Variants in ABCC2 observed in about 807,000 individuals in gnomAD.
ABCC2 encodes the protein ATP binding cassette subfamily C member 2.
In ABCC2, 157 loss-of-function variants were observed where a neutral mutation model predicts 173.4. The ratio of observed to expected loss-of-function variants is 0.91; its 90% CI spans 0.80 to 1.03. The LOEUF (loss-of-function observed/expected upper bound fraction) is 1.03. Among genes scored for constraint, ABCC2 ranks in the 50% least tolerant of loss-of-function variants. ABCC2 has a pLI of 0.00. For missense variants in ABCC2, 1,822 were observed against 1,852.3 expected, an observed-to-expected ratio of 0.98 and a Z score of 0.30; for synonymous variants, 657 against 693.5, an observed-to-expected ratio of 0.95 and a Z score of 0.83.
Position 99,845,639 on chromosome 10 carries a change from A to G in ABCC2, c.4003A>G (p.Arg1335Gly), listed in dbSNP as rs2133149239. Residue 1335 changes from arginine to glycine, a missense_variant, in exon 29 of 32, where the codon AGG becomes GGG. Transcript: ENST00000647814. Reference protein sequence around the residue: ...GSMEKIGVVGRTGAGKSSLTN... With the variant: ...GSMEKIGVVGGTGAGKSSLTN... ...ATATTCGCAGATTGGTGTGGTGGGC[A>G]GGACAGGAGCTGGAAAGTCATCCCT... 3.1e-6 allele frequency: 5 copies of G among 1,614,086 alleles called. No homozygotes were observed. In the Middle Eastern group the frequency reaches 4.9e-4, roughly 160 times the overall value.
In ABCC2 at chr10:99,797,287, G is replaced by C. The variant is rs765544671; in HGVS notation, c.823G>C (p.Gly275Arg). The C allele has an allele frequency of 6.2e-7, 1 of 1,613,838 alleles. No individual in the cohort carries two copies. The highest frequency in any genetic ancestry group is 8.5e-7 in the Non-Finnish European group (1 of 1,179,906). Residue 275 changes from glycine (G) to arginine (R), a missense_variant, in exon 7 of 32, where the codon GGC (glycine) becomes CGC (arginine). Gly to Arg is a moderately radical substitution (Grantham distance 125). Transcript: ENST00000647814. ...GCAGAACTCTGGAGCCAGGCTGCCTGGCTTGAACAAGAATCAGAGTCAAAG... is the reference window on the plus strand; with the variant it reads ...GCAGAACTCTGGAGCCAGGCTGCCTCGCTTGAACAAGAATCAGAGTCAAAG... ...SQQNSGARLP[G>R]LNKNQSQSQD...
chr10:99,850,721 C>G lies in ABCC2; in HGVS notation c.4433C>G (p.Thr1478Ser). 1 of 1,614,198 alleles carries G rather than the reference C, an allele frequency of 6.2e-7. No individual in the cohort carries two copies. Among genetic ancestry groups the G allele is most frequent in the Non-Finnish European group, 8.5e-7 (1 of 1,180,044 alleles). Residue 1478 changes from threonine (T) to serine (S), a missense_variant, in exon 31 of 32, where the codon ACC becomes AGC. Coordinates refer to ENST00000647814, the MANE Select transcript of ABCC2 (RefSeq NM_000392.5). ...GAGACAGACAACCTCATTCAGACGA[C>G]CATCCAAAACGAGTTCGCCCACTGC... is the stretch of plus-strand genomic sequence containing the variant. ...DLETDNLIQT[T>S]IQNEFAHCTV...
At chr10:99,831,920 G>C (rs765004797) in intron 22 of ABCC2, 57 bp from the exon 23 acceptor site, 134 of 1,613,536 alleles carry the variant, frequency 8.3e-5, no homozygotes, top group Admixed American at 6.8e-4. Flanking sequence ...TATGTCCTGG[G>C]CACAAGTCTT....
rs147595919 is a variant in ABCC2, at chr10:99,833,999, C to T, written c.3259-381C>T. Among the ~76,000 whole-genome samples the T allele has an allele frequency of 1.7e-3, 260 of 152,286 alleles. 1 individual carries two copies. Among genetic ancestry groups the T allele is most frequent in the African/African-American group, 5.9e-3 (244 of 41,558 alleles). On this transcript the variant is annotated intron_variant, in intron 23 of 31. Coordinates refer to ENST00000647814, the MANE Select transcript of ABCC2 (RefSeq NM_000392.5). ...ACTGTCCAGGCAGGCTCACATTCAA[C>T]CCCAGCTCCCTTCCCCTTGGTCCTC... is the stretch of plus-strand genomic sequence containing the variant.
chr10:99,830,209 T>C, intron 19 of ABCC2, 98 bp from the exon 20 acceptor site: 2 of 1,514,072 alleles, frequency 1.3e-6, no homozygotes, highest in Non-Finnish European at 1.8e-6. Context: ...GATCCCTTGC[T>C]GAAACCAGCA....
intron 1 of ABCC2, 54 bp from the exon 2 acceptor site, chr10:99,784,554 G>T: frequency 6.3e-7 from 1 of 1,597,330 alleles, no homozygotes; most frequent in East Asian, 2.2e-5. Flanking sequence ...CTGCAGGGTG[G>T]TTTTCTGTCT....
intron 1 of ABCC2, among the ~76,000 whole-genome samples, chr10:99,783,876 G>T (rs923782024): frequency 6.6e-6 from 1 of 151,720 alleles, no homozygotes; most frequent in East Asian, 1.9e-4. Context: ...TCAGGGCATC[G>T]CAAGCAATTC....
chr10:99,795,742 AG>A (rs1430690746), intron 6 of ABCC2, among the ~76,000 whole-genome samples: 1 of 32,554 alleles, frequency 3.1e-5, no homozygotes, highest in Admixed American at 2.9e-4. Context: ...AAAGAAGGAA[AG>A]AAAGAAAGAA....
chr10:99,796,078 A>G (rs924132044), intron 6 of ABCC2, among the ~76,000 whole-genome samples: 2 of 152,166 alleles, frequency 1.3e-5, no homozygotes, highest in Admixed American at 1.3e-4. Context: ...GAGATGGCAC[A>G]GTGGCTGGAC....
chr10:99,801,317 A>G (rs1347564178), intron 9 of ABCC2, among the ~76,000 whole-genome samples: 2 of 152,062 alleles, frequency 1.3e-5, no homozygotes, highest in East Asian at 3.9e-4. Flanking sequence ...GCTCACTGCA[A>G]CCTCCATCTC....
chr10:99,846,310 T>C (rs887934962), intron 29 of ABCC2, among the ~76,000 whole-genome samples: 1 of 152,224 alleles, frequency 6.6e-6, no homozygotes, highest in South Asian at 2.1e-4. Flanking sequence ...CAGGAGAACC[T>C]TTCCTCCTCC....
intron 6 of ABCC2, among the ~76,000 whole-genome samples, chr10:99,796,695 C>A (rs112622353): frequency 6.6e-6 from 1 of 151,696 alleles, no homozygotes; most frequent in African/African-American, 2.4e-5. Context: ...AAAAAAAACA[C>A]AAAAAACAAA....
At chr10:99,814,364 CAT>C (rs1491216431) in intron 16 of ABCC2, among the ~76,000 whole-genome samples, 3 of 94,994 alleles carry the variant, frequency 3.2e-5, no homozygotes, top group Non-Finnish European at 6.8e-5. Context: ...TGTATACACA[CAT>C]GTATATATAC....
rs551987097 is a variant in ABCC2, at chr10:99,785,243, G to A, written c.207+462G>A. Among the ~76,000 whole-genome samples the A allele has an allele frequency of 9.9e-5, 15 of 152,234 alleles. No individual in the cohort carries two copies. The East Asian group carries it at 1.2e-3, about 12-fold the overall frequency. ...CCGAAATAAGGTTTCCATTTTCCCC[G>A]CATATTTGATGAGTCAGGATGATCA... is the stretch of plus-strand genomic sequence containing the variant. On this transcript the variant is annotated intron_variant, in intron 2 of 31. Coordinates refer to ENST00000647814, the MANE Select transcript of ABCC2 (RefSeq NM_000392.5).
intron 23 of ABCC2, among the ~76,000 whole-genome samples, chr10:99,833,926 A>G (rs535019233): frequency 1.3e-5 from 2 of 152,356 alleles, no homozygotes; most frequent in South Asian, 4.1e-4. Flanking sequence ...CACGAAGGCA[A>G]CATGGCAGTA....
intron 19 of ABCC2, among the ~76,000 whole-genome samples, chr10:99,822,078 A>G (rs1337058778): frequency 6.6e-6 from 1 of 152,206 alleles, no homozygotes; most frequent in Non-Finnish European, 1.5e-5. Flanking sequence ...CTGTGGGGCC[A>G]GGTACCCATA....
At chr10:99,815,975 T>G (rs2038401121) in intron 16 of ABCC2, among the ~76,000 whole-genome samples, 1 of 151,244 alleles carries the variant, frequency 6.6e-6, no homozygotes, top group Admixed American at 6.6e-5. Context: ...TCTTGTTTTT[T>G]TTTTTTTTTT....
Position 99,804,019 on chromosome 10 carries a change from G to A in ABCC2, c.1210G>A (p.Ala404Thr), listed in dbSNP as rs749829232. The A allele has an allele frequency of 2.5e-6, 4 of 1,613,964 alleles. No individual in the cohort carries two copies. Among genetic ancestry groups the A allele is most frequent in the East Asian group, 4.5e-5 (2 of 44,868 alleles). The stretch of plus-strand genomic sequence containing the variant: ...TCCTAATTTCAATCCTTATCTTTAG[G>A]CATTGACCCTATCCAACTTGGCCAG... Reference protein sequence around the residue: ...TAIMASVYKKALTLSNLARKE... With the variant: ...TAIMASVYKKTLTLSNLARKE... Residue 404 changes from alanine to threonine, a missense_variant and splice_region_variant, in exon 10 of 32, where the codon GCA becomes ACA. Coordinates refer to ENST00000647814, the MANE Select transcript of ABCC2 (RefSeq NM_000392.5).
chr10:99,807,418 G>C lies in ABCC2; in HGVS notation c.1565G>C (p.Arg522Thr), dbSNP rs1195316790. Reference protein sequence around the residue: ...LKYFAWEPSFRDQVQNLRKKE... With the variant: ...LKYFAWEPSFTDQVQNLRKKE... ...TATTTTGCCTGGGAACCTTCATTCA[G>C]AGACCAAGTACAAAACCTCCGGAAG... Residue 522 changes from arginine (R) to threonine (T), a missense_variant, in exon 12 of 32, where the codon AGA becomes ACA. Transcript: ENST00000647814. 6.2e-7 allele frequency: 1 copy of C among 1,614,050 alleles called. No individual in the cohort carries two copies. The highest frequency in any genetic ancestry group is 8.5e-7 in the Non-Finnish European group (1 of 1,179,982).
Sources: gnomAD v4.1 joint callset for allele counts (sites outside exome capture counted in the v4.1 genomes callset) on GRCh38, gnomAD v4.1.1 for gene constraint, MANE v1.5 for transcripts, NCBI Gene and HGNC (gene_info 2026-07-23, HGNC 2026-07-21) for gene names.